SEMA7A: variants seen among roughly 807,000 people sequenced by gnomAD.
SEMA7A encodes the protein semaphorin-7A.
SEMA7A carries 21 observed loss-of-function variants against 67.5 expected under a neutral mutation model. That is an observed-to-expected ratio of 0.31 (90% CI 0.22 to 0.45). SEMA7A has a LOEUF of 0.45. Among genes scored for constraint, SEMA7A ranks in the 20% least tolerant of loss-of-function variants. The pLI, the probability that SEMA7A is intolerant of heterozygous loss-of-function variation, is 1.00. For synonymous variants in SEMA7A, 364 were observed against 368.5 expected (o/e 0.99, Z 0.14); for missense variants, 774 against 908.6 (o/e 0.85, Z 1.90).
intron 1 of SEMA7A, 63 bp from the exon 2 acceptor site, chr15:74,419,015 C>T: frequency 6.4e-7 from 1 of 1,561,494 alleles, no homozygotes; most frequent in Non-Finnish European, 8.7e-7. Context: ...ACTCTGGGTC[C>T]CCTCCACATG....
Position 74,417,385 on chromosome 15 carries a change from C to A in SEMA7A, c.611G>T (p.Arg204Leu), listed in dbSNP as rs1567073409. ...QEYNGKIPRF[R>L]RIRGESELYT... The stretch of plus-strand genomic sequence containing the variant: ...CAGCTCACTCTCGCCCCGGATGCGG[C>A]GGAACCGAGGGATCTTCCCATTGTA... Residue 204 changes from arginine (R) to leucine (L), a missense_variant, in exon 6 of 14, where the codon CGC becomes CTC. Arg to Leu is a moderately radical substitution (Grantham distance 102). Transcript: ENST00000261918. 3.7e-6 allele frequency: 6 copies of A among 1,614,062 alleles called. No homozygotes were observed. The highest frequency in any genetic ancestry group is 1.1e-5 in the South Asian group (1 of 91,086).
chr15:74,433,664 T>G, intron 1 of SEMA7A, 77 bp downstream of exon 1: 1 of 1,330,828 alleles, frequency 7.5e-7, no homozygotes, highest in Non-Finnish European at 9.6e-7. Flanking sequence ...ACGCACTCCC[T>G]CCGGGTGCAG....
At chr15:74,416,301 C>T (rs900552851) in intron 7 of SEMA7A, among the ~76,000 whole-genome samples, 9 of 151,834 alleles carry the variant, frequency 5.9e-5, no homozygotes, top group Non-Finnish European at 1.3e-4. Flanking sequence ...CGTGGCACAG[C>T]ACATTCACAC....
rs766404653 is a variant in SEMA7A at position 74,433,914 on chromosome 15, G to A, written c.5C>T (p.Thr2Met). Residue 2 changes from threonine (T) to methionine (M), a missense_variant, in exon 1 of 14, where the codon ACG (threonine) becomes ATG (methionine). Around this residue, in one of 2 missense-constraint regions of SEMA7A, gnomAD observed 347 missense variants for 353.2 expected, o/e 0.98. Transcript: ENST00000261918. Reference protein sequence around the residue: MTPPPPGRAAPS... With the variant: MMPPPPGRAAPS... ...GGCGGCACGTCCGGGCGGAGGAGGC[G>A]TCATCCCGTGGCCCCGGGAGCGACA... 7.2e-6 allele frequency: 9 copies of A among 1,248,412 alleles called. No individual in the cohort carries two copies. The East Asian group carries it at 2.6e-4, about 35-fold the overall frequency. 77.3% of individuals were successfully genotyped at this position (1,248,412 alleles called of 1,614,324 possible).
intron 2 of SEMA7A, 31 bp downstream of exon 2, chr15:74,418,769 AG>A (rs762471830): frequency 1.6e-5 from 25 of 1,599,960 alleles, no homozygotes; most frequent in African/African-American, 8.0e-5. Flanking sequence ...ATAAGAGGGT[AG>A]GGGGGGTGTT....
At position 74,417,976 on chromosome 15, in the gene SEMA7A, G is replaced by C. The variant is rs747676119; in HGVS notation, c.373-7C>G. On this transcript the variant is annotated splice_polypyrimidine_tract_variant and splice_region_variant and intron_variant, in intron 3 of 13. Transcript: ENST00000261918. ...TGATGTAGTTCTCGCAGTCCTGCCC[G>C]GGGAAGAGAGAAGGGAGGAGAGAAA... is the stretch of plus-strand genomic sequence containing the variant. 6.2e-7 allele frequency: 1 copy of C among 1,612,118 alleles called. No homozygotes were observed. Among genetic ancestry groups the C allele is most frequent in the East Asian group, 2.2e-5 (1 of 44,880 alleles).
At chr15:74,431,317 C>G (rs1487420127) in intron 1 of SEMA7A, among the ~76,000 whole-genome samples, 1 of 152,210 alleles carries the variant, frequency 6.6e-6, no homozygotes, top group Non-Finnish European at 1.5e-5. Flanking sequence ...CATCTCTCTC[C>G]CTGGCCTGAG....
chr15:74,411,013 G>A lies in SEMA7A; in HGVS notation c.1640-28C>T, dbSNP rs771493840. ...GGGGAGGCAGTGGGGAAGCAGCCGTGAGGAGGGACAAAGAGCTCCCAGGGG... is the reference window on the plus strand; with the variant it reads ...GGGGAGGCAGTGGGGAAGCAGCCGTAAGGAGGGACAAAGAGCTCCCAGGGG... On this transcript the variant is annotated intron_variant, in intron 13 of 13. Coordinates refer to ENST00000261918, the MANE Select transcript of SEMA7A (RefSeq NM_003612.5). The surrounding 1 kb of genome is among the most constrained non-coding windows in gnomAD (Gnocchi z 4.4). The A allele has an allele frequency of 6.9e-6, 11 of 1,597,168 alleles. No individual in the cohort carries two copies. Among genetic ancestry groups the A allele is most frequent in the Admixed American group, 1.7e-5 (1 of 59,348 alleles).
intron 1 of SEMA7A, among the ~76,000 whole-genome samples, chr15:74,420,522 G>A (rs964521307): frequency 4.6e-5 from 7 of 152,232 alleles, no homozygotes; most frequent in African/African-American, 1.7e-4. Context: ...CAGCTCCGGG[G>A]ATATCAGCCC....
chr15:74,416,607 G>C lies in SEMA7A; in HGVS notation c.769C>G (p.Leu257Val). The stretch of plus-strand genomic sequence containing the variant: ...AACTGGGCCACACGGGACACATTGA[G>C]AGGAGCCTCAGGATTCTTGTCAGGA... ...DNPDKNPEAP[L>V]NVSRVAQLCR... is the part of the protein sequence containing the mutation. Residue 257 changes from leucine to valine, a missense_variant, in exon 7 of 14, where the codon CTC becomes GTC. Leu to Val is a conservative substitution (Grantham distance 32). This residue lies in a region of SEMA7A where 427 missense variants were observed against 555.4 expected (regional missense o/e 0.77). Coordinates refer to ENST00000261918, the MANE Select transcript of SEMA7A (RefSeq NM_003612.5). 6.2e-7 allele frequency: 1 copy of C among 1,614,108 alleles called. No homozygotes were observed. The highest frequency in any genetic ancestry group is 8.5e-7 in the Non-Finnish European group (1 of 1,179,988).
Position 74,410,666 on chromosome 15 carries a change from C to T in SEMA7A, c.1959G>A (p.Leu653=), listed in dbSNP as rs1346706528. The change falls in exon 14 of 14, where the codon CTG becomes CTA. Residue 653 remains leucine (L), a synonymous_variant. Transcript: ENST00000261918. This position sits in a 1 kb window ranked among gnomAD's most constrained non-coding sequence, Gnocchi z 7.5. ...HACALAASLW[L]GVLPTLTLGL... ...CAAGAGTGAGTGTGGGCAGCACCCC[C>T]AGCCAGAGGGAGGCGGCCAGGGCAC... is the stretch of plus-strand genomic sequence containing the variant. 1 of 1,607,676 alleles carries T rather than the reference C, an allele frequency of 6.2e-7. No individual in the cohort carries two copies. Among genetic ancestry groups the T allele is most frequent in the Admixed American group, 1.7e-5 (1 of 59,798 alleles).
chr15:74,414,822 C>T lies in SEMA7A; in HGVS notation c.1095+16G>A. On this transcript the variant is annotated intron_variant, in intron 9 of 13. Transcript: ENST00000261918. The surrounding 1 kb of genome is among the most constrained non-coding windows in gnomAD (Gnocchi z 4.1). ...AAGGAGGGCTGGGCCTGGGCCACGG[C>T]TGGTGTCACGCTCACCTTGCCAGGC... 1.2e-6 allele frequency: 2 copies of T among 1,613,972 alleles called. No homozygotes were observed. Among genetic ancestry groups the T allele is most frequent in the South Asian group, 2.2e-5 (2 of 91,080 alleles).
chr15:74,420,987 A>C (rs1447685146), intron 1 of SEMA7A, among the ~76,000 whole-genome samples: 1 of 152,258 alleles, frequency 6.6e-6, no homozygotes, highest in African/African-American at 2.4e-5. Flanking sequence ...CCACTCCTGC[A>C]CCAAGGCCAC....
At chr15:74,420,117 A>G (rs1297962801) in intron 1 of SEMA7A, among the ~76,000 whole-genome samples, 7 of 152,168 alleles carry the variant, frequency 4.6e-5, no homozygotes, top group African/African-American at 1.7e-4. Context: ...GCTCTGACCA[A>G]AAAGAACTAC....
chr15:74,416,605 G>A lies in SEMA7A; in HGVS notation c.771C>T (p.Leu257=). Residue 257 remains leucine, a synonymous_variant, in exon 7 of 14, where the codon CTC becomes CTT. Coordinates refer to ENST00000261918, the MANE Select transcript of SEMA7A (RefSeq NM_003612.5). ...DNPDKNPEAP[L]NVSRVAQLCR... is the part of the protein sequence containing the mutation. ...ACAACTGGGCCACACGGGACACATT[G>A]AGAGGAGCCTCAGGATTCTTGTCAG... 1 of 1,614,102 alleles carries A rather than the reference G, an allele frequency of 6.2e-7. No homozygotes were observed. The highest frequency in any genetic ancestry group is 1.1e-5 in the South Asian group (1 of 91,074).
At chr15:74,429,519 C>T (rs138306253) in intron 1 of SEMA7A, among the ~76,000 whole-genome samples, 6 of 152,344 alleles carry the variant, frequency 3.9e-5, no homozygotes, top group South Asian at 2.1e-4. Flanking sequence ...GACTGTCCTG[C>T]GGTCAGGAGT....
Position 74,411,442 on chromosome 15 carries a change from G to A in SEMA7A, c.1578-86C>T, listed in dbSNP as rs781236964. On this transcript the variant is annotated intron_variant, in intron 12 of 13. Coordinates refer to ENST00000261918, the MANE Select transcript of SEMA7A (RefSeq NM_003612.5). This position sits in a 1 kb window ranked among gnomAD's most constrained non-coding sequence, Gnocchi z 4.4. ...TCCTTACCCCAGTGCAGTTCCAGCA[G>A]AGAGGAGGGTCCCACAAGAAAGGCC... 5 of 1,555,524 alleles carry A rather than the reference G, an allele frequency of 3.2e-6. No individual in the cohort carries two copies. The highest frequency in any genetic ancestry group is 4.5e-5 in the East Asian group (2 of 44,252).
Position 74,411,530 on chromosome 15 carries a change from G to A in SEMA7A, c.1577+26C>T, listed in dbSNP as rs757276947. ...CCTCTCCCATGCCCACCTTCTCCCA[G>A]GGACGAGGGATCCCGGCCAACGTAC... On this transcript the variant is annotated intron_variant, in intron 12 of 13. Coordinates refer to ENST00000261918, the MANE Select transcript of SEMA7A (RefSeq NM_003612.5). The surrounding 1 kb of genome is among the most constrained non-coding windows in gnomAD (Gnocchi z 4.4). 6.5e-7 allele frequency: 1 copy of A among 1,543,456 alleles called. No individual in the cohort carries two copies. The highest frequency in any genetic ancestry group is 2.3e-5 in the East Asian group (1 of 44,256).
chr15:74,425,316 T>C (rs2061035131), intron 1 of SEMA7A, among the ~76,000 whole-genome samples: 1 of 152,218 alleles, frequency 6.6e-6, no homozygotes, highest in South Asian at 2.1e-4. Context: ...AGTAGGTTCT[T>C]TTATTATCCC....
Sources: allele counts gnomAD v4.1 joint callset (sites outside exome capture counted in the v4.1 genomes callset), GRCh38; gene constraint gnomAD v4.1.1; regional missense constraint gnomAD v4.1.1; non-coding constraint Gnocchi (gnomAD v3.1); transcripts MANE v1.5; gene names NCBI Gene and HGNC (gene_info 2026-07-23, HGNC 2026-07-21).